ACBD3: variants seen among roughly 807,000 people sequenced by gnomAD.
The protein encoded by ACBD3 is acyl-CoA binding domain containing 3.
In ACBD3, 30 loss-of-function variants were observed where a neutral mutation model predicts 66.9. The observed-to-expected ratio is 0.45, with a 90% CI of 0.34 to 0.61. ACBD3 has a LOEUF of 0.61. Ranked by LOEUF, ACBD3 falls within the 20% of genes least tolerant of loss-of-function variation. The probability of loss-of-function intolerance (pLI) is 0.02; values close to 1 mark genes in which losing one functional copy is unlikely to be tolerated. For synonymous variants in ACBD3, 278 were observed against 259.8 expected, an observed-to-expected ratio of 1.07 and a Z score of -0.68; for missense variants, 544 against 664.5, an observed-to-expected ratio of 0.82 and a Z score of 1.99.
At chr1:226,171,741 T>G (rs936362627) in intron 1 of ACBD3, among the ~76,000 whole-genome samples, 1 of 146,396 alleles carries the variant, frequency 6.8e-6, no homozygotes, top group African/African-American at 2.5e-5. Flanking sequence ...TTTCACCATG[T>G]TGGGTTGGCC....
chr1:226,149,406 T>C (rs879742394), intron 7 of ACBD3, among the ~76,000 whole-genome samples: 2 of 151,808 alleles, frequency 1.3e-5, no homozygotes, highest in Admixed American at 1.3e-4. Flanking sequence ...TTTGTACTTT[T>C]AGTAGAGATG....
At chr1:226,154,264 C>T (rs776806279) in intron 6 of ACBD3, among the ~76,000 whole-genome samples, 25 of 151,914 alleles carry the variant, frequency 1.6e-4, no homozygotes, top group Non-Finnish European at 2.9e-4. Flanking sequence ...GTCACCCAGG[C>T]AGGCGGAATC....
intron 1 of ACBD3, among the ~76,000 whole-genome samples, chr1:226,185,632 A>C (rs1398031337): frequency 2.6e-5 from 4 of 152,162 alleles, no homozygotes; most frequent in Non-Finnish European, 4.4e-5. Flanking sequence ...AAAAAAAAAA[A>C]AACCGCACAC....
At chr1:226,162,285 A>AT (rs1558126601) in intron 3 of ACBD3, among the ~76,000 whole-genome samples, 2 of 152,186 alleles carry the variant, frequency 1.3e-5, no homozygotes, top group Non-Finnish European at 2.9e-5. Context: ...AAAAAGGTGA[A>AT]TACAAAGGAA....
intron 1 of ACBD3, among the ~76,000 whole-genome samples, chr1:226,174,155 A>C (rs1380179825): frequency 1.3e-5 from 2 of 152,172 alleles, no homozygotes; most frequent in Non-Finnish European, 2.9e-5. Flanking sequence ...CACAGACACA[A>C]AAAGCCTTGT....
chr1:226,161,134 T>C (rs952385936), intron 4 of ACBD3, among the ~76,000 whole-genome samples: 1 of 132,144 alleles, frequency 7.6e-6, no homozygotes, highest in Non-Finnish European at 1.6e-5. Context: ...CCCCAAACCT[T>C]CTAATACATT....
intron 7 of ACBD3, among the ~76,000 whole-genome samples, chr1:226,148,597 G>C (rs548695124): frequency 8.8e-4 from 134 of 152,246 alleles, no homozygotes; most frequent in Non-Finnish European, 1.5e-3. Flanking sequence ...AGATGAAAAG[G>C]CATCTTTTAT....
chr1:226,176,319 G>C (rs1307379086), intron 1 of ACBD3, among the ~76,000 whole-genome samples: 1 of 152,024 alleles, frequency 6.6e-6, no homozygotes. Context: ...CAGCTATTCG[G>C]GGGGCTGAGG....
At chr1:226,168,477 ATAACT>A (rs1427126816) in intron 1 of ACBD3, among the ~76,000 whole-genome samples, 7 of 152,246 alleles carry the variant, frequency 4.6e-5, no homozygotes, top group Admixed American at 3.3e-4. Context: ...GTTACTGGAA[ATAACT>A]TAAAAGGTTA....
At chr1:226,178,766 G>T (rs540169581) in intron 1 of ACBD3, among the ~76,000 whole-genome samples, 2 of 152,062 alleles carry the variant, frequency 1.3e-5, no homozygotes, top group Non-Finnish European at 2.9e-5. Context: ...ATAGGTGATT[G>T]AATTGCAAAC....
At chr1:226,155,482 C>T (rs1311120418) in intron 5 of ACBD3, among the ~76,000 whole-genome samples, 2 of 144,748 alleles carry the variant, frequency 1.4e-5, no homozygotes, top group African/African-American at 2.5e-5. Context: ...AAAAATTGAA[C>T]ACAGTAATGT....
intron 1 of ACBD3, among the ~76,000 whole-genome samples, chr1:226,178,403 T>C (rs906481290): frequency 2.0e-5 from 3 of 151,412 alleles, no homozygotes; most frequent in African/African-American, 7.3e-5. Flanking sequence ...ACCCCGTCTC[T>C]ACTAAAAGTA....
Position 226,152,384 on chromosome 1 carries a change from A to T in ACBD3, c.1326T>A (p.Ala442=). ...TGGACTCACTGACATGCACGCTGAC[A>T]GCAGTGTTTGGAGAGTCTGTCCATT... ...YFEWTDSPNT[A]VSVHVSESSD... The change falls in exon 7 of 8, where the codon GCT becomes GCA. Residue 442 remains alanine (A), a synonymous_variant. Coordinates refer to ENST00000366812, the MANE Select transcript of ACBD3 (RefSeq NM_022735.4). The T allele has an allele frequency of 6.2e-7, 1 of 1,614,254 alleles. No homozygotes were observed. The highest frequency in any genetic ancestry group is 8.5e-7 in the Non-Finnish European group (1 of 1,180,048).
At chr1:226,185,415 A>G (rs1656274572) in intron 1 of ACBD3, among the ~76,000 whole-genome samples, 1 of 152,236 alleles carries the variant, frequency 6.6e-6, no homozygotes, top group Non-Finnish European at 1.5e-5. Context: ...CTCTGGGGAA[A>G]GTGTCATAAA....
chr1:226,151,878 G>A (rs1210150024), intron 7 of ACBD3, among the ~76,000 whole-genome samples: 7 of 151,928 alleles, frequency 4.6e-5, no homozygotes, highest in South Asian at 2.1e-4. Flanking sequence ...ACAGTGGTGC[G>A]TGCCTGTAAT....
chr1:226,170,440 C>A (rs1296883204), intron 1 of ACBD3, among the ~76,000 whole-genome samples: 1 of 148,130 alleles, frequency 6.8e-6, no homozygotes, highest in Admixed American at 7.0e-5. Context: ...TCCCAAAGTG[C>A]TGAGATTACA....
intron 1 of ACBD3, among the ~76,000 whole-genome samples, chr1:226,169,008 G>A (rs1416111033): frequency 2.6e-5 from 4 of 152,014 alleles, no homozygotes; most frequent in Non-Finnish European, 4.4e-5. Context: ...GACTACAGGT[G>A]TGCGCCACCA....
At chr1:226,184,668 T>C (rs1656253476) in intron 1 of ACBD3, among the ~76,000 whole-genome samples, 1 of 152,186 alleles carries the variant, frequency 6.6e-6, no homozygotes, top group Non-Finnish European at 1.5e-5. Context: ...CTCCAAACAA[T>C]GTTAAGTATA....
intron 5 of ACBD3, among the ~76,000 whole-genome samples, chr1:226,155,412 C>A: frequency 1.7e-5 from 2 of 118,174 alleles, no homozygotes; most frequent in African/African-American, 3.4e-5. Flanking sequence ...AGCGAAACTC[C>A]ATCTCAAAAA....
Sources: gnomAD v4.1 joint callset for allele counts (sites outside exome capture counted in the v4.1 genomes callset) on GRCh38, gnomAD v4.1.1 for gene constraint, MANE v1.5 for transcripts, NCBI Gene and HGNC (gene_info 2026-07-23, HGNC 2026-07-21) for gene names.